Variants in STAMBP observed in about 807,000 individuals in gnomAD.
STAMBP encodes the protein STAM-binding protein.
STAMBP carries 31 observed loss-of-function variants against 50.7 expected under a neutral mutation model. The observed-to-expected ratio is 0.61, with a 90% CI of 0.46 to 0.83. The LOEUF (loss-of-function observed/expected upper bound fraction) is 0.83, where lower values mean the gene tolerates loss of function less well. STAMBP is among the 40% of genes least tolerant of loss of function. The probability of loss-of-function intolerance (pLI) is 0.00; values close to 1 mark genes in which losing one functional copy is unlikely to be tolerated. For missense variants in STAMBP, 472 were observed against 518.9 expected (o/e 0.91, Z 0.88); for synonymous variants, 211 against 192.4 (o/e 1.10, Z -0.80).
Position 73,862,438 on chromosome 2 carries a change from T to C in STAMBP, c.*179T>C, listed in dbSNP as rs1476230468. 5 of 454,790 alleles carry C rather than the reference T, an allele frequency of 1.1e-5. No individual in the cohort carries two copies. Among genetic ancestry groups the C allele is most frequent in the African/African-American group, 1.0e-4 (5 of 49,504 alleles). The allele number at this position is 454,790 out of a possible 1,614,324, so 28.2% of individuals were successfully genotyped here. On this transcript the variant is annotated 3_prime_UTR_variant, in exon 10 of 10. Coordinates refer to ENST00000394070, the MANE Select transcript of STAMBP (RefSeq NM_213622.4). ...AAAAGAAATAACTGAACATATTTTT[T>C]AGGCAAGTCAGAAAGAGAACATGGT...
intron 7 of STAMBP, among the ~76,000 whole-genome samples, chr2:73,852,189 G>A (rs1423690021): frequency 6.6e-6 from 1 of 152,140 alleles, no homozygotes; most frequent in African/African-American, 2.4e-5. Flanking sequence ...TGATGCTAGT[G>A]TGTTTGGGAA....
At chr2:73,859,683 AAAAAAAT>A (rs201058587) in intron 8 of STAMBP, among the ~76,000 whole-genome samples, 12 of 148,084 alleles carry the variant, frequency 8.1e-5, no homozygotes, top group South Asian at 2.1e-4. Flanking sequence ...CATAAAATAT[AAAAAAAT>A]AAAAAATAAA....
chr2:73,859,932 GTC>G, intron 8 of STAMBP, 118 bp from the exon 9 acceptor site: 1 of 660,570 alleles, frequency 1.5e-6, no homozygotes, highest in Non-Finnish European at 2.7e-6. Context: ...TACAGAAGCT[GTC>G]TCACAATGAC....
At chr2:73,870,717 C>G (rs1480732430), downstream of STAMBP, among the ~76,000 whole-genome samples, 1 of 152,178 alleles carries the variant, frequency 6.6e-6, no homozygotes, top group African/African-American at 2.4e-5. Flanking sequence ...CCAGCAGCCT[C>G]CTCTCTTCAC....
In STAMBP at chr2:73,830,751, T is replaced by A. The variant is rs966199529; in HGVS notation, c.-12-94T>A. 29 of 926,712 alleles carry A rather than the reference T, an allele frequency of 3.1e-5. No individual in the cohort carries two copies. In the African/African-American group the frequency reaches 3.4e-4, roughly 11 times the overall value. The allele number at this position is 926,712 out of a possible 1,614,324, so 57.4% of individuals were successfully genotyped here. Reference sequence around the variant, plus strand: ...AGCATTTGGTATGTTTCTCTTATATTTTCTTCTTAAGGTAGAGGTCTGTGA... The same window carrying A: ...AGCATTTGGTATGTTTCTCTTATATATTCTTCTTAAGGTAGAGGTCTGTGA... On this transcript the variant is annotated intron_variant, in intron 1 of 9. Coordinates refer to ENST00000394070, the MANE Select transcript of STAMBP (RefSeq NM_213622.4).
chr2:73,844,689 C>T, intron 2 of STAMBP, 124 bp from the exon 3 acceptor site: 2 of 710,600 alleles, frequency 2.8e-6, no homozygotes, highest in South Asian at 2.0e-5. Flanking sequence ...TGTATTAGCT[C>T]TCCCTCCGCT....
chr2:73,868,543 T>A (rs949842102), downstream of STAMBP, among the ~76,000 whole-genome samples: 4 of 152,148 alleles, frequency 2.6e-5, no homozygotes, highest in African/African-American at 7.2e-5. Flanking sequence ...AAAATTTTTT[T>A]AAGATGAAAA....
downstream of STAMBP, among the ~76,000 whole-genome samples, chr2:73,871,187 T>C (rs1187410552): frequency 1.3e-5 from 2 of 152,210 alleles, no homozygotes; most frequent in Non-Finnish European, 2.9e-5. Flanking sequence ...ATTATGGCCT[T>C]TGAGACTTCA....
intron 2 of STAMBP, among the ~76,000 whole-genome samples, chr2:73,843,241 A>G (rs865782331): frequency 1.7e-4 from 24 of 139,906 alleles, no homozygotes; most frequent in Non-Finnish European, 3.5e-4. Flanking sequence ...TCTGTCACCC[A>G]GGCTGGAGTG....
intron 2 of STAMBP, among the ~76,000 whole-genome samples, chr2:73,834,287 A>ATATATATATAT (rs1674451416): frequency 1.0e-5 from 1 of 99,252 alleles, no homozygotes; most frequent in African/African-American, 4.0e-5. Context: ...ATATATATAT[A>ATATATATATAT]AAGTTTTTGA....
downstream of STAMBP, among the ~76,000 whole-genome samples, chr2:73,867,458 C>T (rs1384294843): frequency 2.0e-5 from 3 of 152,062 alleles, no homozygotes; most frequent in East Asian, 1.9e-4. Context: ...GCATGAGAAT[C>T]GCTTGAACCT....
intron 2 of STAMBP, among the ~76,000 whole-genome samples, chr2:73,840,101 G>A (rs1249225214): frequency 6.6e-6 from 1 of 151,956 alleles, no homozygotes; most frequent in South Asian, 2.1e-4. Flanking sequence ...TTTATTGTCT[G>A]TTCCCCCATT....
In STAMBP at chr2:73,849,498, A is replaced by G; in HGVS notation, c.867+11A>G. ...CTCTGTGGAAAACTGGTAAAAAGAA[A>G]AAAAAAACCAAACTCTTCTCTGAAC... On this transcript the variant is annotated intron_variant, in intron 6 of 9. Coordinates refer to ENST00000394070, the MANE Select transcript of STAMBP (RefSeq NM_213622.4). 3 of 1,575,832 alleles carry G rather than the reference A, an allele frequency of 1.9e-6. No individual in the cohort carries two copies. The highest frequency in any genetic ancestry group is 2.6e-6 in the Non-Finnish European group (3 of 1,166,666).
intron 7 of STAMBP, 73 bp from the exon 8 acceptor site, chr2:73,859,181 A>C: frequency 1.6e-6 from 2 of 1,219,788 alleles, no homozygotes; most frequent in Non-Finnish European, 2.4e-6. Flanking sequence ...AAACCTCAGA[A>C]AGGGAATCGC....
chr2:73,860,196 G>C (rs753881864), intron 9 of STAMBP, 45 bp downstream of exon 9: 2 of 1,524,118 alleles, frequency 1.3e-6, no homozygotes, highest in Non-Finnish European at 1.8e-6. Flanking sequence ...TTCAAGCAGG[G>C]AGGACAGTCA....
chr2:73,873,631 TTAAAC>T (rs1393001527), exon 11 of STAMBP: 4 of 152,230 alleles, frequency 2.6e-5, no homozygotes, highest in Non-Finnish European at 4.4e-5. Flanking sequence ...TCCAAGAAAA[TTAAAC>T]TATATCATCA....
At chr2:73,852,845 TTGTGTGTGTGTGTGTG>T (rs55727735) in intron 7 of STAMBP, among the ~76,000 whole-genome samples, 2 of 127,606 alleles carry the variant, frequency 1.6e-5, no homozygotes, top group African/African-American at 3.1e-5. Flanking sequence ...GCCTGGCTAA[TTGTGTGTGTGTGTGTG>T]TGTGTGTGTG....
chr2:73,867,675 A>G (rs1679013058), downstream of STAMBP, among the ~76,000 whole-genome samples: 1 of 152,252 alleles, frequency 6.6e-6, no homozygotes, highest in South Asian at 2.1e-4. Context: ...AAATTTCTGT[A>G]ATTTCTACAA....
chr2:73,850,530 T>A lies in STAMBP; in HGVS notation c.1005+17T>A, dbSNP rs1464260384. 1.2e-6 allele frequency: 2 copies of A among 1,605,342 alleles called. No homozygotes were observed. The highest frequency in any genetic ancestry group is 3.4e-5 in the Admixed American group (2 of 58,410). On this transcript the variant is annotated intron_variant, in intron 7 of 9. Transcript: ENST00000394070. The surrounding 1 kb of genome is among the most constrained non-coding windows in gnomAD (Gnocchi z 4.3). ...TGGATTCATGTAAGCAATTCTGAGC[T>A]GTCCGAGAGTTAGTCTCTGCCTCTC...
Sources: allele counts gnomAD v4.1 joint callset (sites outside exome capture counted in the v4.1 genomes callset), GRCh38; gene constraint gnomAD v4.1.1; non-coding constraint Gnocchi (gnomAD v3.1); transcripts MANE v1.5; gene names NCBI Gene and HGNC (gene_info 2026-07-23, HGNC 2026-07-21).